Variants in CRYBG1 observed in about 807,000 individuals in gnomAD.
CRYBG1 encodes beta/gamma crystallin domain-containing protein 1.
A neutral mutation model predicts 189.2 loss-of-function variants in CRYBG1; 139 were observed. That is an observed-to-expected ratio of 0.73 (90% CI 0.64 to 0.85). CRYBG1 has a LOEUF of 0.85. Ranked by LOEUF, CRYBG1 falls within the 40% of genes least tolerant of loss-of-function variation. The pLI is 0.00. For synonymous variants in CRYBG1, 1,023 were observed against 1,017.1 expected, an observed-to-expected ratio of 1.01 and a Z score of -0.11; for missense variants, 2,611 against 2,675.8, an observed-to-expected ratio of 0.98 and a Z score of 0.53.
intron 1 of CRYBG1, among the ~76,000 whole-genome samples, chr6:106,442,755 G>C (rs1029497839): frequency 6.6e-6 from 1 of 152,138 alleles, no homozygotes; most frequent in Non-Finnish European, 1.5e-5. Context: ...CAGAAACAAA[G>C]GGACTCATAC....
chr6:106,553,473 C>T lies in CRYBG1; in HGVS notation c.5491C>T (p.Pro1831Ser). The T allele has an allele frequency of 6.2e-7, 1 of 1,611,256 alleles. No homozygotes were observed. The highest frequency in any genetic ancestry group is 1.1e-5 in the South Asian group (1 of 90,944). Residue 1831 changes from proline to serine, a missense_variant, in exon 16 of 22, where the codon CCA becomes TCA. Pro to Ser is a moderately conservative substitution (Grantham distance 74). This residue lies in a region of CRYBG1 where 1,622 missense variants were observed against 1,735.0 expected (regional missense o/e 0.93). Transcript: ENST00000633556. ...TTCAAAGATTCACTTGTTTTCAGAA[C>T]CACAGTTTCAAGGTCACAGTCAAAG... ...RRNQIHLFSE[P>S]QFQGHSQSFE...
At position 106,361,078 on chromosome 6, in the gene CRYBG1, C is replaced by T. The variant is rs375109528; in HGVS notation, c.170C>T (p.Ala57Val). 6.5e-7 allele frequency: 1 copy of T among 1,534,690 alleles called. No individual in the cohort carries two copies. The highest frequency in any genetic ancestry group is 8.7e-7 in the Non-Finnish European group (1 of 1,146,410). The change falls in exon 1 of 22, where the codon GCC becomes GTC. Residue 57 changes from alanine to valine, a missense_variant. This residue lies in a region of CRYBG1 where 985 missense variants were observed against 924.4 expected (regional missense o/e 1.07). Transcript: ENST00000633556. ...PHPLPAPAGE[A>V]RALDVVDGKY... ...CCGCTCCCGGCGCCTGCCGGAGAGG[C>T]CAGGTGAGCTCCTCGCCCGAGCCCT... is the stretch of plus-strand genomic sequence containing the variant.
intron 20 of CRYBG1, among the ~76,000 whole-genome samples, chr6:106,562,213 G>A (rs150124219): frequency 2.0e-5 from 3 of 152,282 alleles, no homozygotes; most frequent in African/African-American, 7.2e-5. Context: ...CTCGTTAATT[G>A]GGTCTGTTGT....
At chr6:106,550,007 G>A (rs762660085) in intron 13 of CRYBG1, among the ~76,000 whole-genome samples, 25 of 152,180 alleles carry the variant, frequency 1.6e-4, no homozygotes, top group Non-Finnish European at 2.8e-4. Context: ...CCTCAGGACA[G>A]GTAGGTTCAG....
rs539988110 is a variant in CRYBG1, at chr6:106,446,352, G to A, written c.174-5342G>A. Among the ~76,000 whole-genome samples, 3 of 152,298 alleles carry A rather than the reference G, an allele frequency of 2.0e-5. No homozygotes were observed. The South Asian group carries it at 6.2e-4, about 32-fold the overall frequency. On this transcript the variant is annotated intron_variant, in intron 1 of 21. Transcript: ENST00000633556. ...CAGAAGAGTGGTTCTAGTATCTGGT[G>A]TCTTAGGTTCCCTTGAGGAAATAAT...
chr6:106,469,086 C>T (rs1356757773), intron 2 of CRYBG1, among the ~76,000 whole-genome samples: 1 of 152,222 alleles, frequency 6.6e-6, no homozygotes, highest in Non-Finnish European at 1.5e-5. Context: ...CACTGGCCCT[C>T]TCCCCACCAC....
chr6:106,536,785 G>C (rs1161295219), intron 8 of CRYBG1, among the ~76,000 whole-genome samples: 2 of 152,054 alleles, frequency 1.3e-5, no homozygotes, highest in Non-Finnish European at 2.9e-5. Flanking sequence ...ATCTATATTG[G>C]CGAAAGCTTA....
chr6:106,552,526 G>A (rs1270519190), intron 15 of CRYBG1, among the ~76,000 whole-genome samples: 3 of 134,050 alleles, frequency 2.2e-5, no homozygotes, highest in African/African-American at 8.2e-5. Context: ...GGCAGATGTT[G>A]GAGTGAGCCG....
chr6:106,430,607 G>A (rs138421966), intron 1 of CRYBG1, among the ~76,000 whole-genome samples: 3 of 152,158 alleles, frequency 2.0e-5, no homozygotes, highest in Admixed American at 1.3e-4. Flanking sequence ...TGCCTGATGC[G>A]TCAGCTAGGG....
In CRYBG1 at chr6:106,520,108, C is replaced by A. The variant is rs1179505754; in HGVS notation, c.2900C>A (p.Thr967Asn). The A allele has an allele frequency of 6.2e-7, 1 of 1,614,048 alleles. No homozygotes were observed. ...VRSFVLPVES[T>N]QDVSSQVIPE... The stretch of plus-strand genomic sequence containing the variant: ...TCCTTCGTGCTCCCCGTGGAGAGCA[C>A]CCAGGATGTGAGCTCCCAGGTCATC... Residue 967 changes from threonine (T) to asparagine (N), a missense_variant, in exon 4 of 22, where the codon ACC becomes AAC. By Grantham distance (65) the Thr-to-Asn change is moderately conservative. Transcript: ENST00000633556.
intron 9 of CRYBG1, among the ~76,000 whole-genome samples, chr6:106,540,744 T>C (rs1256309591): frequency 6.6e-6 from 1 of 152,150 alleles, no homozygotes; most frequent in Non-Finnish European, 1.5e-5. Flanking sequence ...CACATTCTTT[T>C]ATAATTATAG....
chr6:106,541,523 G>A, intron 9 of CRYBG1, 63 bp from the exon 10 acceptor site: 1 of 1,452,828 alleles, frequency 6.9e-7, no homozygotes, highest in Non-Finnish European at 9.7e-7. Flanking sequence ...AACTGCTATG[G>A]CTAATATAAA....
At chr6:106,539,277 C>T (rs1774075610) in intron 8 of CRYBG1, 126 bp from the exon 9 acceptor site, 4 of 1,079,514 alleles carry the variant, frequency 3.7e-6, no homozygotes, top group Middle Eastern at 2.1e-4. Flanking sequence ...CTGAGTCCAA[C>T]CATTCATTAT....
intron 1 of CRYBG1, among the ~76,000 whole-genome samples, chr6:106,385,289 T>A (rs939845337): frequency 3.9e-5 from 6 of 152,208 alleles, no homozygotes; most frequent in African/African-American, 2.4e-5. Context: ...GTTAAGGGCA[T>A]GTACTTTAAT....
At chr6:106,402,303 A>G (rs1770736202) in intron 1 of CRYBG1, among the ~76,000 whole-genome samples, 1 of 77,856 alleles carries the variant, frequency 1.3e-5, no homozygotes, top group Non-Finnish European at 2.4e-5. Context: ...ACTACTTTAA[A>G]GTTCATATGG....
At chr6:106,530,825 G>T (rs1374522973) in intron 8 of CRYBG1, among the ~76,000 whole-genome samples, 4 of 152,214 alleles carry the variant, frequency 2.6e-5, no homozygotes, top group African/African-American at 9.6e-5. Context: ...AATGAGGATA[G>T]AAAGTATAGA....
intron 2 of CRYBG1, among the ~76,000 whole-genome samples, chr6:106,455,143 T>G (rs2114443678): frequency 6.6e-6 from 1 of 152,322 alleles, no homozygotes; most frequent in East Asian, 1.9e-4. Context: ...ACAATTGCAT[T>G]AAATATTTAG....
intron 1 of CRYBG1, among the ~76,000 whole-genome samples, chr6:106,392,665 A>T (rs1394046232): frequency 6.6e-6 from 1 of 152,250 alleles, no homozygotes; most frequent in Non-Finnish European, 1.5e-5. Flanking sequence ...GCAAGAAGGA[A>T]GTAAAGGGAT....
At chr6:106,485,694 G>A (rs1427731954) in intron 2 of CRYBG1, among the ~76,000 whole-genome samples, 1 of 152,188 alleles carries the variant, frequency 6.6e-6, no homozygotes, top group East Asian at 1.9e-4. Context: ...ATCATGAAGG[G>A]ATGTTAAATT....
Sources: allele counts gnomAD v4.1 joint callset (sites outside exome capture counted in the v4.1 genomes callset), GRCh38; gene constraint gnomAD v4.1.1; regional missense constraint gnomAD v4.1.1; transcripts MANE v1.5; gene names NCBI Gene and HGNC (gene_info 2026-07-23, HGNC 2026-07-21).